The following COL5A1 variants were observed in gnomAD, a reference collection of about 807,000 sequenced individuals.
COL5A1 encodes the protein collagen type V alpha 1 chain, also known as collagen alpha-1(V) chain.
In COL5A1, 16 loss-of-function variants were observed where a neutral mutation model predicts 263.7. The ratio of observed to expected loss-of-function variants is 0.06; its 90% CI spans 0.04 to 0.09. COL5A1 has a LOEUF of 0.09. Among genes scored for constraint, COL5A1 ranks in the 10% least tolerant of loss-of-function variants. COL5A1 has a pLI of 1.00. For synonymous variants in COL5A1, 1,012 were observed against 1,004.5 expected (o/e 1.01, Z -0.14); for missense variants, 2,036 against 2,540.5 (o/e 0.80, Z 4.27).
At chr9:134,819,724 C>T (rs906789377) in intron 57 of COL5A1, among the ~76,000 whole-genome samples, 12 of 152,250 alleles carry the variant, frequency 7.9e-5, no homozygotes, top group African/African-American at 2.4e-4. Flanking sequence ...TAATACTCTG[C>T]ATCTTTCTTT....
At chr9:134,796,470 A>G (rs1837914202) in intron 35 of COL5A1, 52 bp downstream of exon 35, 1 of 1,575,870 alleles carries the variant, frequency 6.3e-7, no homozygotes, top group East Asian at 2.2e-5. Context: ...CCTGCCTCGA[A>G]TGCCCCCTGC....
intron 64 of COL5A1, among the ~76,000 whole-genome samples, chr9:134,830,909 G>A (rs913348249): frequency 7.9e-5 from 12 of 152,320 alleles, no homozygotes; most frequent in African/African-American, 2.6e-4. Flanking sequence ...GCCCTCTCCT[G>A]GAATGAAGAG....
In COL5A1 at chr9:134,842,142, C is replaced by T. The variant is rs369764872; in HGVS notation, c.5371-15C>T. 37 of 1,614,014 alleles carry T rather than the reference C, an allele frequency of 2.3e-5. No individual in the cohort carries two copies. Among genetic ancestry groups the T allele is most frequent in the Middle Eastern group, 3.3e-4 (2 of 6,084 alleles). On this transcript the variant is annotated splice_polypyrimidine_tract_variant and intron_variant, in intron 65 of 65. Coordinates refer to ENST00000371817, the MANE Select transcript of COL5A1 (RefSeq NM_000093.5). The surrounding 1 kb of genome is among the most constrained non-coding windows in gnomAD (Gnocchi z 5.8). Reference sequence around the variant, plus strand: ...CTGTTCTTAACCACCGGCCATCTGTCTCCCTCTTCCCCAGACCAAGAAAGG... The same window carrying T: ...CTGTTCTTAACCACCGGCCATCTGTTTCCCTCTTCCCCAGACCAAGAAAGG...
rs956771020 is a variant in COL5A1, at chr9:134,678,220, C to T, written c.110-12692C>T. ...TCTGTATCTCTGGTGGTCTGTGGCT[C>T]TGAAGCCATGGGCAGCTTGCTCTAC... On this transcript the variant is annotated intron_variant, in intron 1 of 65. Transcript: ENST00000371817. This position sits in a 1 kb window ranked among gnomAD's most constrained non-coding sequence, Gnocchi z 5.5. 2.0e-5 allele frequency among the ~76,000 whole-genome samples: 3 copies of T among 152,220 alleles called. No individual in the cohort carries two copies. Among genetic ancestry groups the T allele is most frequent in the Non-Finnish European group, 1.5e-5 (1 of 68,030 alleles).
chr9:134,844,719 A>G lies in COL5A1; in HGVS notation c.*2416A>G, dbSNP rs1421061253. The G allele has an allele frequency of 2.0e-5, 3 of 152,270 alleles. No homozygotes were observed. Among genetic ancestry groups the G allele is most frequent in the South Asian group, 2.1e-4 (1 of 4,834 alleles). The allele number at this position is 152,270 out of a possible 1,614,324, so 9.4% of individuals were successfully genotyped here. A position where few individuals can be genotyped will look rare whatever the true frequency, so the allele number is the denominator to read the frequency against. On this transcript the variant is annotated 3_prime_UTR_variant, in exon 66 of 66. Transcript: ENST00000371817. ...TACGGTTTCAAAAAATCCGCTAGACATGTCATAAGTTTTAACTGTAATGCC... is the reference window on the plus strand; with the variant it reads ...TACGGTTTCAAAAAATCCGCTAGACGTGTCATAAGTTTTAACTGTAATGCC...
chr9:134,685,267 AAGTC>A (rs1449670114), intron 1 of COL5A1, among the ~76,000 whole-genome samples: 3 of 9,696 alleles, frequency 3.1e-4, no homozygotes, highest in Admixed American at 8.7e-4. Flanking sequence ...TCCATCCATT[AAGTC>A]ATCCATCCAT....
At position 134,641,970 on chromosome 9, in the gene COL5A1, G is replaced by A; in HGVS notation, c.-218G>A. ...CCAGCGGGGTCCCGGCCGCCCCGCG[G>A]GCCAAAGTCGAGCCCTCCCGCCCGT... On this transcript the variant is annotated 5_prime_UTR_variant, in exon 1 of 66. Coordinates refer to ENST00000371817, the MANE Select transcript of COL5A1 (RefSeq NM_000093.5). The A allele has an allele frequency of 4.9e-6, 2 of 405,576 alleles. No individual in the cohort carries two copies. Among genetic ancestry groups the A allele is most frequent in the Non-Finnish European group, 4.3e-6 (1 of 234,104 alleles). The allele number at this position is 405,576 out of a possible 1,614,324, so 25.1% of individuals were successfully genotyped here. A position where few individuals can be genotyped will look rare whatever the true frequency, so the allele number is the denominator to read the frequency against.
At chr9:134,772,240 C>T (rs191156253) in intron 25 of COL5A1, among the ~76,000 whole-genome samples, 1 of 152,366 alleles carries the variant, frequency 6.6e-6, no homozygotes, top group African/African-American at 2.4e-5. Flanking sequence ...ACCAACCTTG[C>T]TTTGCTTTTG....
chr9:134,776,753 G>T (rs1837068353), intron 27 of COL5A1, among the ~76,000 whole-genome samples: 1 of 152,188 alleles, frequency 6.6e-6, no homozygotes, highest in Admixed American at 6.5e-5. Context: ...AAAATGGGTG[G>T]CTTGTAAACA....
intron 2 of COL5A1, among the ~76,000 whole-genome samples, chr9:134,695,888 C>T (rs1252783046): frequency 1.3e-5 from 2 of 152,156 alleles, no homozygotes; most frequent in East Asian, 3.9e-4. Flanking sequence ...CTCACCTGTC[C>T]CACCCCAATG....
intron 18 of COL5A1, among the ~76,000 whole-genome samples, chr9:134,760,724 C>CAT (rs1836372094): frequency 6.8e-6 from 1 of 147,364 alleles, no homozygotes. Flanking sequence ...CCCATACACA[C>CAT]ATGCACACAC....
chr9:134,674,363 C>T (rs1037607965), intron 1 of COL5A1, among the ~76,000 whole-genome samples: 6 of 152,010 alleles, frequency 3.9e-5, no homozygotes, highest in South Asian at 2.1e-4. Context: ...CTGTGCTAAG[C>T]GAGAGAAGCA....
chr9:134,723,050 C>T (rs569900896), intron 4 of COL5A1, among the ~76,000 whole-genome samples: 1 of 152,316 alleles, frequency 6.6e-6, no homozygotes, highest in South Asian at 2.1e-4. Flanking sequence ...CTCGGTCACT[C>T]CCCGTCCCCG....
At chr9:134,713,845 G>C (rs541134903) in intron 4 of COL5A1, among the ~76,000 whole-genome samples, 1 of 152,190 alleles carries the variant, frequency 6.6e-6, no homozygotes, top group East Asian at 1.9e-4. Flanking sequence ...CAGAGAAGGT[G>C]GGTGGAGTGG....
intron 42 of COL5A1, among the ~76,000 whole-genome samples, chr9:134,808,766 A>G (rs762617627): frequency 2.0e-5 from 3 of 152,168 alleles, no homozygotes; most frequent in Non-Finnish European, 2.9e-5. Context: ...TCTGCAGAGA[A>G]TGTAAAGAAT....
chr9:134,722,956 G>T (rs1187662903), intron 4 of COL5A1, among the ~76,000 whole-genome samples: 1 of 152,170 alleles, frequency 6.6e-6, no homozygotes, highest in African/African-American at 2.4e-5. Flanking sequence ...GCTAATCAGG[G>T]CCCCACTCTT....
intron 1 of COL5A1, among the ~76,000 whole-genome samples, chr9:134,660,031 C>T (rs1832156061): frequency 6.6e-6 from 1 of 152,152 alleles, no homozygotes; most frequent in Admixed American, 6.5e-5. Context: ...TAGAAATGGA[C>T]CAGATGTTTC....
intron 14 of COL5A1, among the ~76,000 whole-genome samples, 177 bp downstream of exon 14, chr9:134,752,822 C>T (rs956860658): frequency 5.3e-5 from 8 of 151,960 alleles, no homozygotes; most frequent in Non-Finnish European, 1.0e-4. Context: ...CGGTGCTGCT[C>T]CAGCCCCCTT....
chr9:134,749,725 T>C (rs3128616), intron 11 of COL5A1, among the ~76,000 whole-genome samples: 99,449 of 152,162 alleles, frequency 0.65, 34,235 homozygotes, highest in African/African-American at 0.88. Flanking sequence ...CTTTTCTCAC[T>C]GGGGAGAGGG....
Sources: allele counts gnomAD v4.1 joint callset (sites outside exome capture counted in the v4.1 genomes callset), GRCh38; gene constraint gnomAD v4.1.1; non-coding constraint Gnocchi (gnomAD v3.1); transcripts MANE v1.5; gene names NCBI Gene and HGNC (gene_info 2026-07-23, HGNC 2026-07-21).